The following C12orf60 variants were observed in gnomAD, a reference collection of about 807,000 sequenced individuals.
The protein encoded by C12orf60 is uncharacterized protein C12orf60.
For synonymous variants in C12orf60, 102 were observed against 94.6 expected (o/e 1.08, Z -0.45); for missense variants, 284 against 283.2 (o/e 1.00, Z -0.02).
At chr12:14,806,241 T>C (rs1358662858) in intron 1 of C12orf60, 1 of 1,614,208 alleles carries the variant, frequency 6.2e-7, no homozygotes, top group South Asian at 1.1e-5. Context: ...AGTGACCAAC[T>C]TGTTAATTAT....
At chr12:14,818,765 GA>G (rs1442875606) in intron 1 of C12orf60, among the ~76,000 whole-genome samples, 1 of 152,172 alleles carries the variant, frequency 6.6e-6, no homozygotes, top group African/African-American at 2.4e-5. Flanking sequence ...CCTGGTGACA[GA>G]GCAAGACTCT....
intron 1 of C12orf60, among the ~76,000 whole-genome samples, chr12:14,809,297 T>C (rs1159243412): frequency 2.6e-5 from 4 of 152,218 alleles, no homozygotes; most frequent in Non-Finnish European, 5.9e-5. Context: ...ATTAACTCAT[T>C]GTTTTAGCAC....
At chr12:14,813,945 C>T (rs1409657805) in intron 1 of C12orf60, among the ~76,000 whole-genome samples, 2 of 152,076 alleles carry the variant, frequency 1.3e-5, no homozygotes, top group South Asian at 2.1e-4. Flanking sequence ...GAGAAGGCAC[C>T]AGGAAAGGTT....
Position 14,822,928 on chromosome 12 carries a change from T to C in C12orf60, c.-8T>C. On this transcript the variant is annotated 5_prime_UTR_variant, in exon 2 of 2. Coordinates refer to ENST00000330828, the MANE Select transcript of C12orf60 (RefSeq NM_175874.4). ...GCTTTGCAGTGTTGGAACTTATTTG[T>C]TGGAGAAATGTCTTCAGAGTCAGAA... The C allele has an allele frequency of 6.4e-7, 1 of 1,553,010 alleles. No homozygotes were observed.
chr12:14,804,676 T>G (rs1482274199), intron 1 of C12orf60: 1 of 152,246 alleles, frequency 6.6e-6, no homozygotes, highest in Admixed American at 6.5e-5. Flanking sequence ...TTGTAATGTT[T>G]TGCAACTAGT....
intron 1 of C12orf60, among the ~76,000 whole-genome samples, chr12:14,815,616 G>A (rs113713090): frequency 6.6e-6 from 1 of 152,194 alleles, no homozygotes; most frequent in Admixed American, 6.5e-5. Context: ...TAATTATGGT[G>A]TAATATTTGG....
At chr12:14,811,977 T>C (rs987678767) in intron 1 of C12orf60, among the ~76,000 whole-genome samples, 1 of 152,228 alleles carries the variant, frequency 6.6e-6, no homozygotes, top group Admixed American at 6.5e-5. Context: ...CAGTAACATA[T>C]ACACTTTTTT....
At position 14,812,215 on chromosome 12, in the gene C12orf60, C is replaced by A. The variant is rs191120507; in HGVS notation, c.-25+8464C>A. 2.6e-3 allele frequency among the ~76,000 whole-genome samples: 392 copies of A among 152,268 alleles called. 1 individual carries two copies. The highest frequency in any genetic ancestry group is 4.6e-3 in the Non-Finnish European group (312 of 68,002). ...ATCCGAGCACTTTGGGAGGCCGAGGCGGGCGGATCACGAGGTCAGGAGATC... is the reference window on the plus strand; with the variant it reads ...ATCCGAGCACTTTGGGAGGCCGAGGAGGGCGGATCACGAGGTCAGGAGATC... On this transcript the variant is annotated intron_variant, in intron 1 of 1. Coordinates refer to ENST00000330828, the MANE Select transcript of C12orf60 (RefSeq NM_175874.4).
chr12:14,816,075 T>C (rs977994907), intron 1 of C12orf60, among the ~76,000 whole-genome samples: 2 of 152,214 alleles, frequency 1.3e-5, no homozygotes, highest in Admixed American at 1.3e-4. Flanking sequence ...CTTTCTTGAC[T>C]ACTAAAGCCA....
chr12:14,806,785 G>A, intron 1 of C12orf60: 1 of 1,180,226 alleles, frequency 8.5e-7, no homozygotes, highest in Admixed American at 2.4e-5. Context: ...TTTTCTTCAT[G>A]CATAGCAAAG....
intron 1 of C12orf60, among the ~76,000 whole-genome samples, chr12:14,820,895 G>A (rs938031699): frequency 3.3e-5 from 5 of 151,852 alleles, no homozygotes; most frequent in East Asian, 3.9e-4. Flanking sequence ...TTGATCTCTC[G>A]TCAGATTTAT....
At chr12:14,817,481 G>A (rs747555726) in intron 1 of C12orf60, among the ~76,000 whole-genome samples, 3 of 151,792 alleles carry the variant, frequency 2.0e-5, no homozygotes, top group South Asian at 2.1e-4. Flanking sequence ...CCCTCCCCTC[G>A]CCCCCCACTC....
chr12:14,814,800 G>T (rs769665160), intron 1 of C12orf60, among the ~76,000 whole-genome samples: 3 of 152,090 alleles, frequency 2.0e-5, no homozygotes, highest in African/African-American at 7.2e-5. Flanking sequence ...CTTCAGACCC[G>T]TTAATTCCTC....
chr12:14,806,404 G>A, intron 1 of C12orf60: 1 of 1,614,104 alleles, frequency 6.2e-7, no homozygotes, highest in Non-Finnish European at 8.5e-7. Context: ...TAGAGGGTTG[G>A]CTCTAGCTTA....
chr12:14,803,773 C>A, intron 1 of C12orf60, 22 bp downstream of exon 1: 1 of 333,010 alleles, frequency 3.0e-6, no homozygotes, highest in Non-Finnish European at 5.4e-6. Flanking sequence ...CGTCCGAGAA[C>A]GGTACATTCT....
At chr12:14,811,260 C>T (rs1950131784) in intron 1 of C12orf60, among the ~76,000 whole-genome samples, 1 of 152,118 alleles carries the variant, frequency 6.6e-6, no homozygotes, top group Non-Finnish European at 1.5e-5. Context: ...TTCTGTAGTG[C>T]CCTGGAGCAG....
chr12:14,809,322 A>T (rs1950101374), intron 1 of C12orf60, among the ~76,000 whole-genome samples: 1 of 152,152 alleles, frequency 6.6e-6, no homozygotes, highest in African/African-American at 2.4e-5. Flanking sequence ...TCACGAATTA[A>T]TCGTAAAATG....
At chr12:14,804,833 G>T (rs1950023237) in intron 1 of C12orf60, 1 of 152,190 alleles carries the variant, frequency 6.6e-6, no homozygotes, top group South Asian at 2.1e-4. Context: ...CTATTTTTAA[G>T]ATATGCTGAG....
chr12:14,806,185 C>T lies in C12orf60; in HGVS notation c.-25+2434C>T, dbSNP rs1470645269. 1.2e-6 allele frequency: 2 copies of T among 1,614,130 alleles called. No individual in the cohort carries two copies. Among genetic ancestry groups the T allele is most frequent in the Non-Finnish European group, 1.7e-6 (2 of 1,180,034 alleles). On this transcript the variant is annotated intron_variant, in intron 1 of 1. Transcript: ENST00000330828. Reference sequence around the variant, plus strand: ...ATATCTATGCCAAGGCCAAGAACAGCAACTCCAATACTACCAAGGAGAGAA... The same window carrying T: ...ATATCTATGCCAAGGCCAAGAACAGTAACTCCAATACTACCAAGGAGAGAA...
Sources: allele counts gnomAD v4.1 joint callset (sites outside exome capture counted in the v4.1 genomes callset), GRCh38; gene constraint gnomAD v4.1.1; transcripts MANE v1.5; gene names NCBI Gene and HGNC (gene_info 2026-07-23, HGNC 2026-07-21).